The following DOCK3 variants were observed in gnomAD, a reference collection of about 807,000 sequenced individuals.
DOCK3 encodes the protein dedicator of cytokinesis 3.
DOCK3 carries 60 observed loss-of-function variants against 265.6 expected under a neutral mutation model. The observed-to-expected ratio is 0.23, with a 90% CI of 0.18 to 0.28. The LOEUF (loss-of-function observed/expected upper bound fraction) is 0.28, where lower values mean the gene tolerates loss of function less well. DOCK3 is among the 10% of genes least tolerant of loss of function. DOCK3 has a pLI of 1.00. For missense variants in DOCK3, 1,981 were observed against 2,594.3 expected (o/e 0.76, Z 5.14); for synonymous variants, 881 against 938.0 (o/e 0.94, Z 1.11).
At chr3:51,190,008 G>A (rs1470205933) in intron 12 of DOCK3, among the ~76,000 whole-genome samples, 1 of 152,152 alleles carries the variant, frequency 6.6e-6, no homozygotes, top group Non-Finnish European at 1.5e-5. Context: ...TTCTCAGGAC[G>A]CTTCACAAGC....
intron 30 of DOCK3, 115 bp from the exon 31 acceptor site, chr3:51,312,729 C>T (rs2083153922): frequency 5.5e-6 from 7 of 1,274,614 alleles, no homozygotes; most frequent in Admixed American, 2.2e-5. Flanking sequence ...AAAGGCTTAG[C>T]GCATTGGGAA....
At position 51,359,030 on chromosome 3, in the gene DOCK3, A is replaced by G. The variant is rs889546347; in HGVS notation, c.4884+953A>G. Reference sequence around the variant, plus strand: ...GGCACCCAAGCCAAGTTCTCTTCTCATCACCCAGGACCACTGGACAGAAGT... The same window carrying G: ...GGCACCCAAGCCAAGTTCTCTTCTCGTCACCCAGGACCACTGGACAGAAGT... On this transcript the variant is annotated intron_variant, in intron 46 of 52. Transcript: ENST00000266037. The surrounding 1 kb of genome is among the most constrained non-coding windows in gnomAD (Gnocchi z 4.8). Among the ~76,000 whole-genome samples the G allele has an allele frequency of 1.3e-5, 2 of 152,242 alleles. No homozygotes were observed. Among genetic ancestry groups the G allele is most frequent in the Admixed American group, 1.3e-4 (2 of 15,286 alleles).
chr3:50,884,105 T>A (rs1426644652), intron 3 of DOCK3, among the ~76,000 whole-genome samples: 6 of 151,712 alleles, frequency 4.0e-5, no homozygotes, highest in Admixed American at 6.6e-5. Context: ...TTTTTTTTTT[T>A]AATTTTTGAT....
Position 50,886,635 on chromosome 3 carries a change from A to G in DOCK3, c.163-3391A>G, listed in dbSNP as rs969547698. Among the ~76,000 whole-genome samples, 11 of 137,960 alleles carry G rather than the reference A, an allele frequency of 8.0e-5. No homozygotes were observed. The Admixed American group carries it at 9.1e-4, about 11-fold the overall frequency. 90.5% of individuals were successfully genotyped at this position (137,960 alleles called of 152,430 possible). A position where few individuals can be genotyped will look rare whatever the true frequency, so the allele number is the denominator to read the frequency against. On this transcript the variant is annotated intron_variant, in intron 3 of 52. Coordinates refer to ENST00000266037, the MANE Select transcript of DOCK3 (RefSeq NM_004947.5). ...CATGTGTTCTCATTGTTCAATTCCC[A>G]TCTATGAGTGAGAACATGTATGTGG...
At chr3:51,219,357 T>C (rs902886621) in intron 14 of DOCK3, among the ~76,000 whole-genome samples, 1 of 152,234 alleles carries the variant, frequency 6.6e-6, no homozygotes, top group African/African-American at 2.4e-5. Context: ...ATTTGTTTCA[T>C]GGAATGTTGC....
In DOCK3 at chr3:50,841,587, C is replaced by A. The variant is rs1309886620; in HGVS notation, c.122-88C>A. The A allele has an allele frequency of 1.0e-5, 5 of 497,324 alleles. No homozygotes were observed. In the East Asian group the frequency reaches 1.8e-4, roughly 18 times the overall value. 30.8% of individuals were successfully genotyped at this position (497,324 alleles called of 1,614,324 possible). On this transcript the variant is annotated intron_variant, in intron 2 of 52. Coordinates refer to ENST00000266037, the MANE Select transcript of DOCK3 (RefSeq NM_004947.5). ...AGTGGGTGTTTTAAGGAAAGATGTG[C>A]ATTTATCTATTTTTTTCAAAAAATA...
At chr3:51,079,905 C>T (rs2082170597) in intron 7 of DOCK3, among the ~76,000 whole-genome samples, 1 of 152,132 alleles carries the variant, frequency 6.6e-6, no homozygotes, top group Non-Finnish European at 1.5e-5. Context: ...GCATTATAGC[C>T]CCCTGCTTCA....
rs572747719 is a variant in DOCK3, at chr3:50,872,827, A to G, written c.163-17199A>G. The stretch of plus-strand genomic sequence containing the variant: ...CTCATCCTGTGGCTCCTGCCATCAC[A>G]GGCCCACGGGGCCTACTGCCAGACT... On this transcript the variant is annotated intron_variant, in intron 3 of 52. Coordinates refer to ENST00000266037, the MANE Select transcript of DOCK3 (RefSeq NM_004947.5). 3.3e-5 allele frequency among the ~76,000 whole-genome samples: 5 copies of G among 152,296 alleles called. No homozygotes were observed. In the South Asian group the frequency reaches 1.0e-3, roughly 32 times the overall value.
intron 14 of DOCK3, among the ~76,000 whole-genome samples, chr3:51,220,315 C>G (rs2090011663): frequency 6.6e-6 from 1 of 151,948 alleles, no homozygotes; most frequent in Non-Finnish European, 1.5e-5. Context: ...CTGTAGAAAC[C>G]CCTCCTAATC....
chr3:50,776,291 G>A (rs2041594809), intron 1 of DOCK3, among the ~76,000 whole-genome samples: 1 of 151,916 alleles, frequency 6.6e-6, no homozygotes, highest in African/African-American at 2.4e-5. Context: ...CTTGCAGAAG[G>A]TGGTGTCTTA....
At chr3:50,688,557 G>A (rs1319158242) in intron 1 of DOCK3, among the ~76,000 whole-genome samples, 1 of 152,128 alleles carries the variant, frequency 6.6e-6, no homozygotes, top group Non-Finnish European at 1.5e-5. Flanking sequence ...CTGCCTCCTG[G>A]GTTCAAGCGA....
intron 6 of DOCK3, among the ~76,000 whole-genome samples, chr3:51,073,485 G>A (rs972153868): frequency 2.0e-5 from 3 of 152,146 alleles, no homozygotes; most frequent in Admixed American, 1.3e-4. Flanking sequence ...GGAATGGAGT[G>A]TTTCTTTGAT....
chr3:51,170,905 T>C (rs1332434735), intron 12 of DOCK3, among the ~76,000 whole-genome samples: 1 of 142,208 alleles, frequency 7.0e-6, no homozygotes, highest in Non-Finnish European at 1.5e-5. Flanking sequence ...ATTGTGCCAC[T>C]GCACTCCAGC....
intron 23 of DOCK3, among the ~76,000 whole-genome samples, chr3:51,270,613 A>C (rs1263084270): frequency 6.6e-6 from 1 of 152,166 alleles, no homozygotes; most frequent in African/African-American, 2.4e-5. Context: ...GGATCCCAGT[A>C]AATTATCTTG....
At chr3:51,065,684 T>G (rs962637994) in intron 6 of DOCK3, among the ~76,000 whole-genome samples, 5 of 152,196 alleles carry the variant, frequency 3.3e-5, no homozygotes, top group Non-Finnish European at 5.9e-5. Flanking sequence ...ACTGGGACTT[T>G]CTTGCAAAAC....
intron 7 of DOCK3, among the ~76,000 whole-genome samples, chr3:51,080,120 G>A (rs948416403): frequency 1.3e-5 from 2 of 152,062 alleles, no homozygotes; most frequent in African/African-American, 4.8e-5. Flanking sequence ...TTCCTTGTAA[G>A]ACTCACAATA....
intron 1 of DOCK3, among the ~76,000 whole-genome samples, chr3:50,724,083 T>C (rs777275732): frequency 1.3e-5 from 2 of 152,006 alleles, no homozygotes; most frequent in Non-Finnish European, 2.9e-5. Flanking sequence ...GCCAACAAAC[T>C]TATGAAAAAA....
chr3:51,060,848 C>T (rs904811788), intron 5 of DOCK3, among the ~76,000 whole-genome samples: 1 of 152,082 alleles, frequency 6.6e-6, no homozygotes, highest in African/African-American at 2.4e-5. Flanking sequence ...CTACAGTGAA[C>T]TCAAACAAAT....
intron 18 of DOCK3, 141 bp downstream of exon 18, chr3:51,228,973 G>A (rs148219102): frequency 1.6e-4 from 181 of 1,120,546 alleles, no homozygotes; most frequent in Middle Eastern, 1.5e-3. Flanking sequence ...AAGTTGAAGC[G>A]ATCACTCAGC....
Sources: allele counts gnomAD v4.1 joint callset (sites outside exome capture counted in the v4.1 genomes callset), GRCh38; gene constraint gnomAD v4.1.1; non-coding constraint Gnocchi (gnomAD v3.1); transcripts MANE v1.5; gene names NCBI Gene and HGNC (gene_info 2026-07-23, HGNC 2026-07-21).